Variants in ULK4 observed in about 807,000 individuals in gnomAD.
ULK4 encodes the protein unc-51 like kinase 4, also known as inactive serine/threonine-protein kinase ULK4.
Under a neutral mutation model 160.6 loss-of-function variants are expected in ULK4, and 133 were observed. The observed-to-expected ratio is 0.83, with a 90% CI of 0.72 to 0.96. The LOEUF (loss-of-function observed/expected upper bound fraction) is 0.96. ULK4 is among the 40% of genes least tolerant of loss of function. The pLI, the probability that ULK4 is intolerant of heterozygous loss-of-function variation, is 0.00. For missense variants in ULK4, 1,580 were observed against 1,499.5 expected, an observed-to-expected ratio of 1.05 and a Z score of -0.89; for synonymous variants, 534 against 539.8, an observed-to-expected ratio of 0.99 and a Z score of 0.15.
chr3:41,800,412 G>A, intron 19 of ULK4, 119 bp from the exon 20 acceptor site: 2 of 918,816 alleles, frequency 2.2e-6, no homozygotes, highest in Non-Finnish European at 3.3e-6. Context: ...GGATGTGTTA[G>A]GCAACTTGGG....
chr3:41,754,065 C>A (rs910509211), intron 22 of ULK4, among the ~76,000 whole-genome samples: 2 of 152,084 alleles, frequency 1.3e-5, no homozygotes, highest in African/African-American at 4.8e-5. Flanking sequence ...CCCACTTGGT[C>A]CCACCCTTGA....
At chr3:41,892,584 T>C (rs527980333) in intron 16 of ULK4, among the ~76,000 whole-genome samples, 5 of 152,338 alleles carry the variant, frequency 3.3e-5, no homozygotes, top group Non-Finnish European at 5.9e-5. Context: ...ACCAGCCCAA[T>C]TGTCCTATAG....
At chr3:41,640,595 A>G (rs1364672704) in intron 30 of ULK4, among the ~76,000 whole-genome samples, 1 of 152,138 alleles carries the variant, frequency 6.6e-6, no homozygotes, top group East Asian at 1.9e-4. Context: ...TAGGAAACAC[A>G]CGGAGAATCA....
intron 35 of ULK4, among the ~76,000 whole-genome samples, chr3:41,341,773 C>T (rs1457519964): frequency 6.6e-6 from 1 of 152,158 alleles, no homozygotes; most frequent in Non-Finnish European, 1.5e-5. Flanking sequence ...CACGGAGACC[C>T]CATTCCTACA....
chr3:41,268,967 C>T (rs2079093248), intron 35 of ULK4, among the ~76,000 whole-genome samples: 1 of 152,124 alleles, frequency 6.6e-6, no homozygotes, highest in Non-Finnish European at 1.5e-5. Context: ...TCAGCTGCTC[C>T]CTGGACCAAG....
At chr3:41,935,209 ATTTTTTTTTTTTTTTTTTTTTTTTTTT>A (rs10524611) in intron 4 of ULK4, among the ~76,000 whole-genome samples, 6 of 135,612 alleles carry the variant, frequency 4.4e-5, no homozygotes, top group African/African-American at 1.6e-4. Context: ...TTATTTATTT[ATTTTTTTTTTTTTTTTTTTTTTTTTTT>A]TTTTTTTTTG....
chr3:41,707,465 T>C (rs2036940131), intron 25 of ULK4, among the ~76,000 whole-genome samples: 1 of 152,098 alleles, frequency 6.6e-6, no homozygotes, highest in Non-Finnish European at 1.5e-5. Context: ...AAACCACATA[T>C]CTATGAGGGG....
Position 41,615,655 on chromosome 3 carries a change from A to G in ULK4, c.3120+14T>C. 6.2e-7 allele frequency: 1 copy of G among 1,612,012 alleles called. No homozygotes were observed. Among genetic ancestry groups the G allele is most frequent in the Non-Finnish European group, 8.5e-7 (1 of 1,178,908 alleles). On this transcript the variant is annotated intron_variant, in intron 31 of 36. Transcript: ENST00000301831. ...AATTTCATTTGAATTTCAAATGCACATTTCCGTTCTTACCAGAGTTACTTC... is the reference window on the plus strand; with the variant it reads ...AATTTCATTTGAATTTCAAATGCACGTTTCCGTTCTTACCAGAGTTACTTC...
At chr3:41,309,713 C>T (rs975717273) in intron 35 of ULK4, among the ~76,000 whole-genome samples, 5 of 151,978 alleles carry the variant, frequency 3.3e-5, no homozygotes, top group African/African-American at 9.7e-5. Context: ...TGCCAAAAGT[C>T]GGTTAAAATA....
At chr3:41,549,889 T>C (rs1349457138) in intron 32 of ULK4, among the ~76,000 whole-genome samples, 4 of 151,998 alleles carry the variant, frequency 2.6e-5, no homozygotes, top group Non-Finnish European at 4.4e-5. Flanking sequence ...TTGGATGATA[T>C]ATTTGAAGTG....
At chr3:41,418,153 T>C (rs1346773598) in intron 34 of ULK4, among the ~76,000 whole-genome samples, 2 of 152,068 alleles carry the variant, frequency 1.3e-5, no homozygotes, top group East Asian at 3.9e-4. Context: ...AACACAGGGT[T>C]AGGAGCATTA....
intron 22 of ULK4, among the ~76,000 whole-genome samples, chr3:41,754,022 A>T (rs987824488): frequency 7.9e-5 from 12 of 151,972 alleles, no homozygotes; most frequent in African/African-American, 2.7e-4. Context: ...ACAAGAACAG[A>T]ATGGGGGAAA....
rs780995357 is a variant in ULK4, at chr3:41,538,383, G to C, written c.3226+27642C>G. On this transcript the variant is annotated intron_variant, in intron 32 of 36. Transcript: ENST00000301831. ...TTTTTCTACAATGGTCCTTACATTG[G>C]ATTCATTTATCTTGAAATGGCAGGC... is the stretch of plus-strand genomic sequence containing the variant. Among the ~76,000 whole-genome samples, 6 of 152,100 alleles carry C rather than the reference G, an allele frequency of 3.9e-5. 1 individual carries two copies. In the Middle Eastern group the frequency reaches 0.014, roughly 345 times the overall value.
intron 4 of ULK4, among the ~76,000 whole-genome samples, chr3:41,933,573 T>C (rs1214060421): frequency 6.6e-6 from 1 of 152,160 alleles, no homozygotes; most frequent in African/African-American, 2.4e-5. Flanking sequence ...AGCCTGAATT[T>C]TTCAGATCAT....
intron 35 of ULK4, among the ~76,000 whole-genome samples, chr3:41,384,361 A>T (rs2081748722): frequency 6.6e-6 from 1 of 152,184 alleles, no homozygotes; most frequent in Admixed American, 6.5e-5. Context: ...AGGAAATAAT[A>T]AATTCAGTAT....
chr3:41,735,633 C>G (rs2038006655), intron 22 of ULK4, among the ~76,000 whole-genome samples: 1 of 151,830 alleles, frequency 6.6e-6, no homozygotes, highest in South Asian at 2.1e-4. Flanking sequence ...ATGCTATTTA[C>G]AGAGAGTCAA....
chr3:41,824,715 C>A (rs1162594895), intron 18 of ULK4, among the ~76,000 whole-genome samples: 1 of 152,180 alleles, frequency 6.6e-6, no homozygotes, highest in South Asian at 2.1e-4. Flanking sequence ...GGCCTGCCTG[C>A]CTCTGTAGAC....
intron 2 of ULK4, among the ~76,000 whole-genome samples, chr3:41,951,317 A>AT (rs1365578590): frequency 6.6e-6 from 1 of 151,582 alleles, no homozygotes; most frequent in Non-Finnish European, 1.5e-5. Flanking sequence ...CCCAACAACT[A>AT]TTTTTGTGGG....
intron 32 of ULK4, among the ~76,000 whole-genome samples, chr3:41,524,364 G>A (rs186535964): frequency 2.6e-5 from 4 of 152,160 alleles, no homozygotes; most frequent in African/African-American, 4.8e-5. Context: ...CTCCCCTTTC[G>A]TACTCCTCCA....
Sources: allele counts gnomAD v4.1 joint callset (sites outside exome capture counted in the v4.1 genomes callset), GRCh38; gene constraint gnomAD v4.1.1; transcripts MANE v1.5; gene names NCBI Gene and HGNC (gene_info 2026-07-23, HGNC 2026-07-21).